The following DDX59 variants were observed in gnomAD, a reference collection of about 807,000 sequenced individuals.
The protein encoded by DDX59 is DEAD-box helicase 59, also known as probable ATP-dependent RNA helicase DDX59.
A neutral mutation model predicts 51.9 loss-of-function variants in DDX59; 30 were observed. That is an observed-to-expected ratio of 0.58 (90% CI 0.43 to 0.78). The LOEUF (loss-of-function observed/expected upper bound fraction) is 0.78. DDX59 is among the 30% of genes least tolerant of loss of function. DDX59 has a pLI of 0.00. For missense variants in DDX59, 672 were observed against 730.8 expected (o/e 0.92, Z 0.93); for synonymous variants, 255 against 253.3 (o/e 1.01, Z -0.06).
intron 4 of DDX59, among the ~76,000 whole-genome samples, chr1:200,652,951 C>A (rs933416292): frequency 1.3e-5 from 2 of 152,212 alleles, no homozygotes; most frequent in African/African-American, 4.8e-5. Flanking sequence ...TCCCAAAGTG[C>A]TGGGATTACA....
At chr1:200,666,836 G>C in intron 1 of DDX59, 85 bp from the exon 2 acceptor site, 5 of 1,381,420 alleles carry the variant, frequency 3.6e-6, no homozygotes, top group Non-Finnish European at 4.9e-6. Context: ...GACAAGGTGC[G>C]GTGGCTCACC....
At chr1:200,652,754 T>C (rs1661750058) in intron 4 of DDX59, among the ~76,000 whole-genome samples, 1 of 147,926 alleles carries the variant, frequency 6.8e-6, no homozygotes, top group South Asian at 2.2e-4. Context: ...CTGCAACTTC[T>C]GCCTCCTGGG....
At chr1:200,641,060 A>G (rs1037308079), downstream of DDX59, 38 of 738,614 alleles carry the variant, frequency 5.1e-5, no homozygotes, top group Non-Finnish European at 7.2e-5. Context: ...GCGGCAACAA[A>G]AGAGTCCTAT....
In DDX59 at chr1:200,666,455, T is replaced by C. The variant is rs766680733; in HGVS notation, c.286A>G (p.Lys96Glu). ...PSEEPVKSFS[K>E]TQRWAEPGEP... is the part of the protein sequence containing the mutation. ...CCTGGTTCTGCCCAGCGCTGTGTTT[T>C]GGAAAATGACTTAACGGGCTCTTCA... is the stretch of plus-strand genomic sequence containing the variant. Residue 96 changes from lysine (K) to glutamate (E), a missense_variant, in exon 2 of 8, where the codon AAA becomes GAA. By Grantham distance (56) the Lys-to-Glu change is moderately conservative (BLOSUM62 1). Coordinates refer to ENST00000331314, the MANE Select transcript of DDX59 (RefSeq NM_001031725.6). 2 of 1,614,186 alleles carry C rather than the reference T, an allele frequency of 1.2e-6. No homozygotes were observed. The highest frequency in any genetic ancestry group is 1.7e-6 in the Non-Finnish European group (2 of 1,180,008).
At chr1:200,663,252 G>C (rs543782618) in intron 3 of DDX59, among the ~76,000 whole-genome samples, 1 of 152,246 alleles carries the variant, frequency 6.6e-6, no homozygotes, top group African/African-American at 2.4e-5. Flanking sequence ...GGGGCCCCGA[G>C]GACCCAGCTC....
chr1:200,669,455 A>T (rs1315097854), intron 1 of DDX59: 1 of 152,610 alleles, frequency 6.6e-6, no homozygotes, highest in Non-Finnish European at 1.5e-5. Flanking sequence ...GGGACGGCGG[A>T]CGGCTGGCGG....
Position 200,644,240 on chromosome 1 carries a change from A to G in DDX59, c.*14T>C. The stretch of plus-strand genomic sequence containing the variant: ...TATATACAATAAAAAAAAATATTCA[A>G]GTGGCAGAGAAAATCATTTCTGAGA... On this transcript the variant is annotated 3_prime_UTR_variant, in exon 8 of 8. Coordinates refer to ENST00000331314, the MANE Select transcript of DDX59 (RefSeq NM_001031725.6). 6.6e-7 allele frequency: 1 copy of G among 1,506,832 alleles called. No individual in the cohort carries two copies. Among genetic ancestry groups the G allele is most frequent in the South Asian group, 1.4e-5 (1 of 71,266 alleles). 93.3% of individuals were successfully genotyped at this position (1,506,832 alleles called of 1,614,324 possible).
intron 7 of DDX59, among the ~76,000 whole-genome samples, chr1:200,645,167 G>A (rs1366751296): frequency 1.3e-5 from 2 of 152,090 alleles, no homozygotes; most frequent in Non-Finnish European, 2.9e-5. Context: ...GTGGGTTAAG[G>A]TCAAAAAATT....
rs927997802 is a variant in DDX59 at position 200,650,487 on chromosome 1, G to T, written c.1252C>A (p.Arg418Ser). The T allele has an allele frequency of 6.2e-7, 1 of 1,613,536 alleles. No homozygotes were observed. Among genetic ancestry groups the T allele is most frequent in the Non-Finnish European group, 8.5e-7 (1 of 1,179,778 alleles). ...TCTTCTACCCACAAAATAATCTGAC[G>T]TACATTGGCACAAGGTAGGTTCTTT... ...GEKNLPCANVRQIILWVEDPA... is the reference protein window; with the variant it reads ...GEKNLPCANVSQIILWVEDPA... The change falls in exon 5 of 8, where the codon CGT becomes AGT. Residue 418 changes from arginine to serine, a missense_variant. Arg to Ser is a moderately radical substitution (Grantham distance 110). Coordinates refer to ENST00000331314, the MANE Select transcript of DDX59 (RefSeq NM_001031725.6).
Position 200,649,177 on chromosome 1 carries a change from A to T in DDX59, c.1364T>A (p.Leu455Gln), listed in dbSNP as rs768407092. 1.6e-5 allele frequency: 26 copies of T among 1,598,202 alleles called. No individual in the cohort carries two copies. Among genetic ancestry groups the T allele is most frequent in the Non-Finnish European group, 1.3e-5 (15 of 1,175,032 alleles). ...GGCTTCACTCAAAAGATCTGCTCCT[A>T]GTTTGCAGTCCACAAATACTAACAC... Reference protein sequence around the residue: ...PPVLVFVDCKLGADLLSEAVQ... With the variant: ...PPVLVFVDCKQGADLLSEAVQ... Residue 455 changes from leucine (L) to glutamine (Q), a missense_variant, in exon 6 of 8, where the codon CTA (leucine) becomes CAA (glutamine). Coordinates refer to ENST00000331314, the MANE Select transcript of DDX59 (RefSeq NM_001031725.6).
intron 2 of DDX59, among the ~76,000 whole-genome samples, chr1:200,665,712 T>A (rs1458945603): frequency 6.6e-6 from 1 of 152,142 alleles, no homozygotes; most frequent in Admixed American, 6.6e-5. Context: ...AGTTTTTAGA[T>A]CGTCAATAAA....
intron 4 of DDX59, among the ~76,000 whole-genome samples, chr1:200,657,863 G>A (rs576335479): frequency 2.0e-5 from 3 of 152,056 alleles, no homozygotes; most frequent in Non-Finnish European, 4.4e-5. Flanking sequence ...GTTGCAGTGA[G>A]CTGAGATCAC....
At chr1:200,653,387 A>G (rs1661794794) in intron 4 of DDX59, among the ~76,000 whole-genome samples, 1 of 152,104 alleles carries the variant, frequency 6.6e-6, no homozygotes, top group South Asian at 2.1e-4. Flanking sequence ...TGTTCTCTTT[A>G]CCACTTGACA....
Position 200,649,148 on chromosome 1 carries a change from G to C in DDX59, c.1393C>G (p.Gln465Glu). 1 of 1,596,740 alleles carries C rather than the reference G, an allele frequency of 6.3e-7. No homozygotes were observed. Among genetic ancestry groups the C allele is most frequent in the South Asian group, 1.1e-5 (1 of 87,782 alleles). The change falls in exon 6 of 8, where the codon CAG becomes GAG. Residue 465 changes from glutamine to glutamate, a missense_variant. By Grantham distance (29) the Gln-to-Glu change is conservative (BLOSUM62 2). Transcript: ENST00000331314. The part of the protein sequence containing the change: ...LGADLLSEAV[Q>E]KITGLKSISI... ...ATGCTTTTCAGCCCTGTGATTTTCT[G>C]AACGGCTTCACTCAAAAGATCTGCT...
intron 1 of DDX59, among the ~76,000 whole-genome samples, chr1:200,667,703 T>C (rs1023032113): frequency 2.6e-5 from 4 of 152,250 alleles, no homozygotes; most frequent in East Asian, 1.9e-4. Flanking sequence ...CCACAAATCA[T>C]AGAGAAAATG....
intron 4 of DDX59, chr1:200,654,778 A>G (rs1661908155): frequency 6.6e-6 from 1 of 152,350 alleles, no homozygotes; most frequent in Admixed American, 6.5e-5. Context: ...AAAGCAGATC[A>G]TTTCAAAGGA....
At chr1:200,655,587 A>G in intron 4 of DDX59, among the ~76,000 whole-genome samples, 1 of 152,186 alleles carries the variant, frequency 6.6e-6, no homozygotes, top group South Asian at 2.1e-4. Context: ...GAATTCTTCA[A>G]GCTGGTGGTC....
rs1558131223 is a variant in DDX59, at chr1:200,665,920, CTAT to C, written c.804+14_804+16del. On this transcript the variant is annotated intron_variant, in intron 2 of 7. Transcript: ENST00000331314. Reference sequence around the variant, plus strand: ...TTTCCAAGAATAATACATGTGAACTCTATTATTAACACTTACCTCGAATAAAGC... The same window carrying C: ...TTTCCAAGAATAATACATGTGAACTCTATTAACACTTACCTCGAATAAAGC... 6.4e-7 allele frequency: 1 copy of C among 1,567,554 alleles called. No individual in the cohort carries two copies. Among genetic ancestry groups the C allele is most frequent in the Admixed American group, 1.9e-5 (1 of 51,616 alleles).
chr1:200,644,664 G>A (rs1430363943), intron 7 of DDX59, 147 bp from the exon 8 acceptor site: 30 of 987,694 alleles, frequency 3.0e-5, no homozygotes, highest in Non-Finnish European at 4.1e-5. Context: ...GGGAGCTGAG[G>A]CAGGTGGATC....
Sources: gnomAD v4.1 joint callset for allele counts (sites outside exome capture counted in the v4.1 genomes callset) on GRCh38, gnomAD v4.1.1 for gene constraint, MANE v1.5 for transcripts, NCBI Gene and HGNC (gene_info 2026-07-23, HGNC 2026-07-21) for gene names.